MNAT1: variants seen among roughly 807,000 people sequenced by gnomAD.
MNAT1 encodes the protein CDK-activating kinase assembly factor MAT1.
A neutral mutation model predicts 42.0 loss-of-function variants in MNAT1; 43 were observed. That is an observed-to-expected ratio of 1.02 (90% CI 0.80 to 1.32). MNAT1 has a LOEUF of 1.32. Ranked by LOEUF, MNAT1 falls within the 40% of genes most tolerant of loss-of-function variation. The pLI, the probability that MNAT1 is intolerant of heterozygous loss-of-function variation, is 0.00. For missense variants in MNAT1, 306 were observed against 350.4 expected, an observed-to-expected ratio of 0.87 and a Z score of 1.01; for synonymous variants, 118 against 120.0, an observed-to-expected ratio of 0.98 and a Z score of 0.11.
intron 7 of MNAT1, among the ~76,000 whole-genome samples, chr14:60,946,898 C>T (rs540301559): frequency 2.6e-5 from 4 of 152,322 alleles, no homozygotes; most frequent in Non-Finnish European, 5.9e-5. Flanking sequence ...ATTCTGGAGG[C>T]TGGGAAGTCC....
intron 1 of MNAT1, among the ~76,000 whole-genome samples, chr14:60,735,820 T>G (rs1379573534): frequency 1.3e-5 from 2 of 152,232 alleles, no homozygotes; most frequent in Admixed American, 6.5e-5. Context: ...GTGAAGGTGG[T>G]TCTAGAAAGC....
chr14:60,746,463 C>T (rs1479940940), intron 1 of MNAT1, among the ~76,000 whole-genome samples: 3 of 150,672 alleles, frequency 2.0e-5, no homozygotes, highest in Non-Finnish European at 3.0e-5. Context: ...TGCAGTGAGC[C>T]GAGACCGCAC....
intron 7 of MNAT1, among the ~76,000 whole-genome samples, chr14:60,920,730 C>T (rs1029420209): frequency 6.6e-6 from 1 of 152,138 alleles, no homozygotes; most frequent in Admixed American, 6.5e-5. Context: ...GGCATTGAGC[C>T]ACGACGCCTC....
At chr14:60,815,620 A>T (rs1444212892) in intron 5 of MNAT1, among the ~76,000 whole-genome samples, 1 of 152,176 alleles carries the variant, frequency 6.6e-6, no homozygotes, top group Non-Finnish European at 1.5e-5. Context: ...ATGTGAAACT[A>T]CCATTGTTGT....
chr14:60,903,440 T>C (rs2035114747), intron 7 of MNAT1, among the ~76,000 whole-genome samples: 1 of 152,194 alleles, frequency 6.6e-6, no homozygotes, highest in Non-Finnish European at 1.5e-5. Flanking sequence ...TGAAAAATAA[T>C]TGAGGCAATC....
rs201818233 is a variant in MNAT1, at chr14:60,772,916, C to CATTTATTT, written c.90-23272_90-23265dup. Among the ~76,000 whole-genome samples the CATTTATTT allele has an allele frequency of 9.6e-3, 1,356 of 141,882 alleles. 12 individuals carry two copies. The highest frequency in any genetic ancestry group is 0.011 in the African/African-American group (421 of 38,192). The allele number at this position is 141,882 out of a possible 152,430, so 93.1% of individuals were successfully genotyped here. On this transcript the variant is annotated intron_variant, in intron 1 of 7. Coordinates refer to ENST00000261245, the MANE Select transcript of MNAT1 (RefSeq NM_002431.4). ...GTTTTTTTTTTTTAATTTTTTAAAA[C>CATTTATTT]ATTTATTTATTTATTTATTTATTTA...
chr14:60,760,615 A>C (rs1444121114), intron 1 of MNAT1, among the ~76,000 whole-genome samples: 1 of 152,242 alleles, frequency 6.6e-6, no homozygotes, highest in Non-Finnish European at 1.5e-5. Context: ...TGAGCAATAA[A>C]AGTCTGAAAG....
chr14:60,912,144 C>T (rs1336891414), intron 7 of MNAT1, among the ~76,000 whole-genome samples: 2 of 151,972 alleles, frequency 1.3e-5, no homozygotes, highest in Non-Finnish European at 2.9e-5. Flanking sequence ...GGATTGCAAC[C>T]CCTGCCTTTT....
chr14:60,784,812 T>A (rs1455035687), intron 1 of MNAT1, among the ~76,000 whole-genome samples: 1 of 151,842 alleles, frequency 6.6e-6, no homozygotes, highest in Non-Finnish European at 1.5e-5. Context: ...AAGAATTCTT[T>A]GGTCAAGTGG....
At chr14:60,851,323 G>A (rs1231145448) in intron 6 of MNAT1, among the ~76,000 whole-genome samples, 7 of 151,932 alleles carry the variant, frequency 4.6e-5, no homozygotes, top group East Asian at 1.9e-4. Flanking sequence ...CATTTTTCTC[G>A]GCAAGGATAC....
chr14:60,854,213 A>T (rs549843560), intron 6 of MNAT1, among the ~76,000 whole-genome samples: 4 of 152,132 alleles, frequency 2.6e-5, no homozygotes, highest in Non-Finnish European at 5.9e-5. Flanking sequence ...CTTTTTGTCA[A>T]GGTTTTTAAC....
At chr14:60,755,742 G>T (rs554951519) in intron 1 of MNAT1, among the ~76,000 whole-genome samples, 64 of 152,340 alleles carry the variant, frequency 4.2e-4, no homozygotes, top group African/African-American at 1.4e-3. Flanking sequence ...CTGAACAGCA[G>T]ATGAAGTAAT....
At position 60,942,146 on chromosome 14, in the gene MNAT1, A is replaced by G. The variant is rs536930735; in HGVS notation, c.810-26083A>G. Among the ~76,000 whole-genome samples the G allele has an allele frequency of 3.3e-5, 5 of 152,104 alleles. No individual in the cohort carries two copies. The East Asian group carries it at 9.6e-4, about 29-fold the overall frequency. On this transcript the variant is annotated intron_variant, in intron 7 of 7. Coordinates refer to ENST00000261245, the MANE Select transcript of MNAT1 (RefSeq NM_002431.4). Reference sequence around the variant, plus strand: ...CTGATGAAAATACTTTTAGGGAAACATACTTTTAAATGGAATAGTTTTTTC... The same window carrying G: ...CTGATGAAAATACTTTTAGGGAAACGTACTTTTAAATGGAATAGTTTTTTC...
intron 7 of MNAT1, among the ~76,000 whole-genome samples, chr14:60,922,125 C>T (rs949270119): frequency 6.6e-6 from 1 of 152,042 alleles, no homozygotes; most frequent in Non-Finnish European, 1.5e-5. Context: ...TGTAACTGTT[C>T]TTTTTAAACT....
intron 7 of MNAT1, among the ~76,000 whole-genome samples, chr14:60,918,195 G>GTTTTT (rs1376166023): frequency 2.0e-5 from 1 of 48,914 alleles, no homozygotes; most frequent in African/African-American, 5.6e-5. Flanking sequence ...CCAATTAATT[G>GTTTTT]TTCTTTTTTT....
intron 6 of MNAT1, among the ~76,000 whole-genome samples, chr14:60,855,517 A>G (rs1370701041): frequency 6.6e-6 from 1 of 152,100 alleles, no homozygotes; most frequent in Non-Finnish European, 1.5e-5. Context: ...TCTGGGCTGG[A>G]TAGCACAGTC....
At chr14:60,963,215 C>T (rs1026314033) in intron 7 of MNAT1, among the ~76,000 whole-genome samples, 22 of 152,044 alleles carry the variant, frequency 1.4e-4, no homozygotes, top group Admixed American at 1.4e-3. Flanking sequence ...CTCCTGACCT[C>T]GTGATCTGCC....
chr14:60,884,138 G>A (rs566081005), intron 7 of MNAT1, among the ~76,000 whole-genome samples: 5 of 152,138 alleles, frequency 3.3e-5, no homozygotes, highest in South Asian at 2.1e-4. Flanking sequence ...CATTCTTGCT[G>A]TATTCCAGAT....
At chr14:60,811,476 G>A (rs1016849583) in intron 4 of MNAT1, among the ~76,000 whole-genome samples, 1 of 151,458 alleles carries the variant, frequency 6.6e-6, no homozygotes, top group Non-Finnish European at 1.5e-5. Flanking sequence ...CTAATTTTTT[G>A]TATCTTTAGT....
Sources: gnomAD v4.1 joint callset for allele counts (sites outside exome capture counted in the v4.1 genomes callset) on GRCh38, gnomAD v4.1.1 for gene constraint, MANE v1.5 for transcripts, NCBI Gene and HGNC (gene_info 2026-07-23, HGNC 2026-07-21) for gene names.